Variants in SLC35F4 observed in about 807,000 individuals in gnomAD.
The protein encoded by SLC35F4 is chromosome 14 open reading frame 36.
Under a neutral mutation model 44.2 loss-of-function variants are expected in SLC35F4, and 24 were observed. That is an observed-to-expected ratio of 0.54 (90% CI 0.39 to 0.76). The LOEUF (loss-of-function observed/expected upper bound fraction) is 0.76. Ranked by LOEUF, SLC35F4 falls within the 30% of genes least tolerant of loss-of-function variation. SLC35F4 has a pLI of 0.00. For missense variants in SLC35F4, 562 were observed against 586.1 expected, an observed-to-expected ratio of 0.96 and a Z score of 0.42; for synonymous variants, 238 against 223.6, an observed-to-expected ratio of 1.06 and a Z score of -0.57.
intron 1 of SLC35F4, among the ~76,000 whole-genome samples, chr14:57,599,818 AAC>A (rs1403460885): frequency 1.3e-5 from 2 of 151,200 alleles, no homozygotes; most frequent in Non-Finnish European, 2.9e-5. Flanking sequence ...AAAAAAAAAA[AAC>A]AACACCAGAA....
intron 1 of SLC35F4, among the ~76,000 whole-genome samples, chr14:57,810,696 A>T (rs549840989): frequency 1.3e-5 from 2 of 152,214 alleles, no homozygotes; most frequent in African/African-American, 4.8e-5. Flanking sequence ...CTCATGGCCT[A>T]TGCAGTATTT....
intron 1 of SLC35F4, among the ~76,000 whole-genome samples, chr14:57,599,727 C>T (rs1490707662): frequency 4.1e-5 from 6 of 147,256 alleles, no homozygotes; most frequent in East Asian, 4.2e-4. Context: ...TCTTGAACCC[C>T]GGAGGTGGAG....
At chr14:57,786,582 C>T (rs1386936867) in intron 1 of SLC35F4, among the ~76,000 whole-genome samples, 1 of 152,186 alleles carries the variant, frequency 6.6e-6, no homozygotes, top group African/African-American at 2.4e-5. Flanking sequence ...AGATGGTTCA[C>T]ATCACAGGAC....
At chr14:57,611,879 C>A (rs1422514403) in intron 1 of SLC35F4, among the ~76,000 whole-genome samples, 1 of 152,114 alleles carries the variant, frequency 6.6e-6, no homozygotes, top group Admixed American at 6.5e-5. Flanking sequence ...CCACTGTAAA[C>A]AAAATAAAAC....
At chr14:57,758,501 A>G (rs749306752) in intron 1 of SLC35F4, among the ~76,000 whole-genome samples, 1 of 151,986 alleles carries the variant, frequency 6.6e-6, no homozygotes, top group Non-Finnish European at 1.5e-5. Context: ...AGTTTTCTCT[A>G]TGATTTGATT....
rs534808361 is a variant in SLC35F4, at chr14:57,568,244, G to T, written c.1126+1544C>A. ...ATACTGCTTGGTGGCGAATGCCAGT[G>T]TTCAGCTAGCACAGGTGGCGTCCAG... On this transcript the variant is annotated intron_variant, in intron 6 of 7. Coordinates refer to ENST00000556826, the MANE Select transcript of SLC35F4 (RefSeq NM_001306087.2). Among the ~76,000 whole-genome samples the T allele has an allele frequency of 1.4e-3, 217 of 151,578 alleles. 6 individuals carry two copies. The highest frequency in any genetic ancestry group is 0.014 in the Admixed American group (207 of 15,282).
chr14:57,714,235 T>G (rs2075880941), intron 1 of SLC35F4, among the ~76,000 whole-genome samples: 1 of 152,162 alleles, frequency 6.6e-6, no homozygotes, highest in Non-Finnish European at 1.5e-5. Context: ...CATAATTGGT[T>G]AAGTCATAGA....
At chr14:57,694,771 T>G (rs891143565) in intron 1 of SLC35F4, among the ~76,000 whole-genome samples, 7 of 152,186 alleles carry the variant, frequency 4.6e-5, no homozygotes, top group African/African-American at 1.4e-4. Flanking sequence ...ATTTGTCAGA[T>G]TTATTCTTAT....
intron 3 of SLC35F4, among the ~76,000 whole-genome samples, chr14:57,587,914 G>A (rs1368610550): frequency 6.0e-5 from 9 of 148,830 alleles, no homozygotes; most frequent in East Asian, 5.9e-4. Context: ...GGCCAGGCAC[G>A]CTGGCTCACG....
intron 1 of SLC35F4, among the ~76,000 whole-genome samples, chr14:57,772,419 T>G (rs1340218313): frequency 6.6e-6 from 1 of 152,184 alleles, no homozygotes; most frequent in South Asian, 2.1e-4. Context: ...GCTTGTTTGT[T>G]ATATGGGTAT....
chr14:57,845,826 T>C (rs1417057924), intron 1 of SLC35F4, among the ~76,000 whole-genome samples: 1 of 152,168 alleles, frequency 6.6e-6, no homozygotes, highest in East Asian at 1.9e-4. Flanking sequence ...TCAAACTGGA[T>C]TGAGAGAGGT....
At chr14:57,919,938 T>C (rs1391852577) in intron 1 of SLC35F4, among the ~76,000 whole-genome samples, 1 of 152,184 alleles carries the variant, frequency 6.6e-6, no homozygotes, top group Non-Finnish European at 1.5e-5. Context: ...ATTCTGTACC[T>C]CTATAAACCA....
intron 1 of SLC35F4, among the ~76,000 whole-genome samples, chr14:57,940,650 CA>C (rs764408363): frequency 6.6e-6 from 1 of 152,160 alleles, no homozygotes; most frequent in Non-Finnish European, 1.5e-5. Context: ...CTAATTTTGC[CA>C]TCATTCAATT....
At position 57,628,491 on chromosome 14, in the gene SLC35F4, C is replaced by T. The variant is rs559240398; in HGVS notation, c.104-34367G>A. On this transcript the variant is annotated intron_variant, in intron 1 of 7. Coordinates refer to ENST00000556826, the MANE Select transcript of SLC35F4 (RefSeq NM_001306087.2). Reference sequence around the variant, plus strand: ...GGTCCCAGTGTGAGATGTTCCCCTCCCTGTGTCCATGTGTTCTCATTGTTA... The same window carrying T: ...GGTCCCAGTGTGAGATGTTCCCCTCTCTGTGTCCATGTGTTCTCATTGTTA... 2.0e-3 allele frequency among the ~76,000 whole-genome samples: 284 copies of T among 142,096 alleles called. 1 individual carries two copies. Among genetic ancestry groups the T allele is most frequent in the Non-Finnish European group, 3.7e-3 (243 of 65,920 alleles). The allele number at this position is 142,096 out of a possible 152,430, so 93.2% of individuals were successfully genotyped here. A position where few individuals can be genotyped will look rare whatever the true frequency, so the allele number is the denominator to read the frequency against.
chr14:57,623,936 G>C (rs1286160011), intron 1 of SLC35F4, among the ~76,000 whole-genome samples: 1 of 152,096 alleles, frequency 6.6e-6, no homozygotes, highest in Non-Finnish European at 1.5e-5. Flanking sequence ...CAGAAGACAA[G>C]AAATAACTAA....
intron 1 of SLC35F4, among the ~76,000 whole-genome samples, chr14:57,620,042 T>C (rs1174568489): frequency 2.0e-5 from 3 of 151,982 alleles, no homozygotes; most frequent in Non-Finnish European, 2.9e-5. Flanking sequence ...TGGGACTATG[T>C]GAAAAGACCA....
At chr14:57,810,300 A>T (rs572148028) in intron 1 of SLC35F4, among the ~76,000 whole-genome samples, 1 of 152,352 alleles carries the variant, frequency 6.6e-6, no homozygotes, top group African/African-American at 2.4e-5. Context: ...GTGAAGAAGT[A>T]AAAGGCCAAG....
intron 3 of SLC35F4, among the ~76,000 whole-genome samples, chr14:57,582,913 T>G (rs2069398125): frequency 1.3e-5 from 2 of 152,222 alleles, no homozygotes; most frequent in South Asian, 2.1e-4. Flanking sequence ...CCTTAAAGAT[T>G]AAGTTTCATA....
chr14:57,610,098 A>C (rs1291640374), intron 1 of SLC35F4, among the ~76,000 whole-genome samples: 1 of 152,224 alleles, frequency 6.6e-6, no homozygotes, highest in Non-Finnish European at 1.5e-5. Context: ...ACTCTTATTC[A>C]TTCATTCATA....
Sources: gnomAD v4.1 joint callset for allele counts (sites outside exome capture counted in the v4.1 genomes callset) on GRCh38, gnomAD v4.1.1 for gene constraint, MANE v1.5 for transcripts, NCBI Gene and HGNC (gene_info 2026-07-23, HGNC 2026-07-21) for gene names.